The following TRMO variants were observed in gnomAD, a reference collection of about 807,000 sequenced individuals.
The protein encoded by TRMO is tRNA methyltransferase O.
A neutral mutation model predicts 37.2 loss-of-function variants in TRMO; 30 were observed. That is an observed-to-expected ratio of 0.81 (90% CI 0.60 to 1.09). The LOEUF is 1.09. TRMO is among the 50% of genes least tolerant of loss of function. The pLI, the probability that TRMO is intolerant of heterozygous loss-of-function variation, is 0.00. For synonymous variants in TRMO, 239 were observed against 199.4 expected (o/e 1.20, Z -1.67); for missense variants, 552 against 549.5 (o/e 1.00, Z -0.05).
In TRMO at chr9:97,910,351, T is replaced by A; in HGVS notation, c.675A>T (p.Arg225Ser). The change falls in exon 4 of 5, where the codon AGA becomes AGT. Residue 225 changes from arginine to serine, a missense_variant. Coordinates refer to ENST00000375119, the MANE Select transcript of TRMO (RefSeq NM_016481.5). ...TKRKPKCPED[R>S]TSEENYLTHS... ...GTGTCAGGTAGTTTTCTTCTGAAGT[T>A]CTGTCTTCAGGACATTTAGGTTTCC... is the stretch of plus-strand genomic sequence containing the variant. 6.2e-7 allele frequency: 1 copy of A among 1,614,210 alleles called. No individual in the cohort carries two copies. Among genetic ancestry groups the A allele is most frequent in the Non-Finnish European group, 8.5e-7 (1 of 1,180,016 alleles).
At chr9:97,898,036 C>T in the TRMO span, among the ~76,000 whole-genome samples, 1 of 152,132 alleles carries the variant, frequency 6.6e-6, no homozygotes, top group African/African-American at 2.4e-5. Flanking sequence ...GCTTCCTACA[C>T]TTTTTGTCAA....
At chr9:97,902,677 A>C (rs932711833), downstream of TRMO, among the ~76,000 whole-genome samples, 1 of 152,244 alleles carries the variant, frequency 6.6e-6, no homozygotes, top group African/African-American at 2.4e-5. Flanking sequence ...TCTTGTTATA[A>C]GGCCGTTGGT....
At chr9:97,915,189 C>T (rs1468644894) in intron 2 of TRMO, among the ~76,000 whole-genome samples, 1 of 152,162 alleles carries the variant, frequency 6.6e-6, no homozygotes, top group African/African-American at 2.4e-5. Context: ...GAAATGACAA[C>T]AAACAATGCT....
Position 97,904,733 on chromosome 9 carries a change from T to G in TRMO, c.1326A>C (p.Ter442TyrextTer9). Residue 442 changes from the stop codon to tyrosine (Y), a stop_lost, in exon 5 of 5, where the codon TAA (stop) becomes TAC (tyrosine). Transcript: ENST00000375119. ...PVGSLVSLGS[*>Y] Reference sequence around the variant, plus strand: ...ACCTTAAAGACATGAGGGAGGCTCCTTAAGACCCTAGAGACACCAAGGACC... The same window carrying G: ...ACCTTAAAGACATGAGGGAGGCTCCGTAAGACCCTAGAGACACCAAGGACC... 6.2e-7 allele frequency: 1 copy of G among 1,613,700 alleles called. No individual in the cohort carries two copies. The highest frequency in any genetic ancestry group is 8.5e-7 in the Non-Finnish European group (1 of 1,180,002).
At chr9:97,922,134 T>C (rs1351152016) in intron 1 of TRMO, among the ~76,000 whole-genome samples, 1 of 152,110 alleles carries the variant, frequency 6.6e-6, no homozygotes, top group African/African-American at 2.4e-5. Flanking sequence ...AGGAAACCCC[T>C]AAGAGAAAAG....
At chr9:97,905,035 G>A (rs1330385945) in intron 4 of TRMO, 43 bp from the exon 5 acceptor site, 2 of 1,590,690 alleles carry the variant, frequency 1.3e-6, no homozygotes, top group East Asian at 2.2e-5. Flanking sequence ...TATCATGCAG[G>A]TTGAATTTAA....
chr9:97,914,849 C>G (rs1209914260), intron 2 of TRMO, among the ~76,000 whole-genome samples: 2 of 152,076 alleles, frequency 1.3e-5, no homozygotes, highest in African/African-American at 4.8e-5. Context: ...AGGATCTACA[C>G]CATGCTGTTA....
rs1349749732 is a variant in TRMO at position 97,916,307 on chromosome 9, C to G, written c.108G>C (p.Leu36Phe). Residue 36 changes from leucine to phenylalanine, a missense_variant, in exon 2 of 5, where the codon TTG (leucine) becomes TTC (phenylalanine). By Grantham distance (22) the Leu-to-Phe change is conservative. Transcript: ENST00000375119. ...GNLLTEPVGY[L>F]ESCFSAKNGT... ...CATTCTTGGCCGAGAAACAAGATTC[C>G]AAGTAGCCGACTGGCTCAGTTAAAA... is the stretch of plus-strand genomic sequence containing the variant. 1 of 1,612,786 alleles carries G rather than the reference C, an allele frequency of 6.2e-7. No individual in the cohort carries two copies. The highest frequency in any genetic ancestry group is 8.5e-7 in the Non-Finnish European group (1 of 1,179,450).
chr9:97,898,838 C>CTTTTTTTTTTTTTTTTTTTTT, the TRMO span, among the ~76,000 whole-genome samples: 2 of 89,072 alleles, frequency 2.2e-5, no homozygotes, highest in Non-Finnish European at 3.9e-5. Flanking sequence ...TATATATATA[C>CTTTTTTTTTTTTTTTTTTTTT]TTTTTTTTTT....
chr9:97,911,396 C>G (rs1826118854), intron 3 of TRMO: 1 of 153,188 alleles, frequency 6.5e-6, no homozygotes, highest in African/African-American at 2.4e-5. Context: ...CAGCAAGAAT[C>G]TGGGGCCCCC....
chr9:97,912,488 A>C (rs1287632418), intron 3 of TRMO: 2 of 157,404 alleles, frequency 1.3e-5, no homozygotes, highest in East Asian at 3.7e-4. Flanking sequence ...TGGATCAGCT[A>C]CTGAATTTTT....
intron 4 of TRMO, among the ~76,000 whole-genome samples, chr9:97,908,273 G>A (rs1025939210): frequency 6.6e-5 from 10 of 152,106 alleles, no homozygotes; most frequent in East Asian, 1.9e-4. Context: ...TTAGCTGGGT[G>A]TGGTGGCGGG....
At chr9:97,913,150 A>C (rs1167738951) in intron 3 of TRMO, 3 of 482,112 alleles carry the variant, frequency 6.2e-6, no homozygotes, top group African/African-American at 6.0e-5. Context: ...AATTTGTGTT[A>C]TTTCTAAATA....
intron 1 of TRMO, among the ~76,000 whole-genome samples, chr9:97,917,806 G>A (rs2131538432): frequency 1.3e-5 from 2 of 150,850 alleles, no homozygotes; most frequent in South Asian, 4.2e-4. Flanking sequence ...AGTCTCCCAA[G>A]TAGCTGGGAT....
chr9:97,913,687 A>G (rs915220640), intron 2 of TRMO, 129 bp from the exon 3 acceptor site: 4 of 641,888 alleles, frequency 6.2e-6, no homozygotes, highest in Non-Finnish European at 1.1e-5. Flanking sequence ...AAATAGTATT[A>G]ACTTGTCATC....
the TRMO span, among the ~76,000 whole-genome samples, chr9:97,898,129 G>C: frequency 6.6e-6 from 1 of 152,188 alleles, no homozygotes; most frequent in Non-Finnish European, 1.5e-5. Context: ...CTGAAAAACA[G>C]AGAGTATATC....
intron 2 of TRMO, 127 bp downstream of exon 2, chr9:97,916,037 A>AAAAAC (rs1826343949): frequency 3.1e-6 from 2 of 646,002 alleles, no homozygotes; most frequent in East Asian, 3.0e-5. Flanking sequence ...ACCCTGACTC[A>AAAAAC]AAAACAAAAC....
At chr9:97,898,458 C>G in the TRMO span, among the ~76,000 whole-genome samples, 2 of 152,078 alleles carry the variant, frequency 1.3e-5, no homozygotes, top group Non-Finnish European at 2.9e-5. Context: ...CAGCCCCCCA[C>G]CCCACTGAGT....
intron 2 of TRMO, 136 bp from the exon 3 acceptor site, chr9:97,913,694 C>A (rs2120262): frequency 0.6 from 371,304 of 613,750 alleles, 118,654 homozygotes; most frequent in East Asian, 0.93. Flanking sequence ...ATTAACTTGT[C>A]ATCTGGTAGG....
Sources: allele counts gnomAD v4.1 joint callset (sites outside exome capture counted in the v4.1 genomes callset), GRCh38; gene constraint gnomAD v4.1.1; transcripts MANE v1.5; gene names NCBI Gene and HGNC (gene_info 2026-07-23, HGNC 2026-07-21).